PHKA2: variants seen among roughly 807,000 people sequenced by gnomAD.
PHKA2 encodes the protein phosphorylase kinase regulatory subunit alpha 2.
In PHKA2, 31 loss-of-function variants were observed where a neutral mutation model predicts 102.0. The observed-to-expected ratio is 0.30, with a 90% CI of 0.23 to 0.41. The LOEUF (loss-of-function observed/expected upper bound fraction) is 0.41. Ranked by LOEUF, PHKA2 falls within the 10% of genes least tolerant of loss-of-function variation. The pLI is 1.00. For missense variants in PHKA2, 858 were observed against 1,023.1 expected (o/e 0.84, Z 2.20); for synonymous variants, 455 against 416.2 (o/e 1.09, Z -1.13).
At chrX:18,958,704 TTG>T (rs761102643) in intron 1 of PHKA2, among the ~76,000 whole-genome samples, 1 of 108,796 alleles carries the variant, frequency 9.2e-6, no homozygotes, top group Non-Finnish European at 1.9e-5. Context: ...TCAGTTTCTT[TTG>T]TGTGTGTGTG....
At chrX:18,926,358 T>C (rs1178904533) in intron 14 of PHKA2, 95 bp downstream of exon 14, 5 of 732,187 alleles carry the variant, frequency 6.8e-6, no homozygotes, top group Non-Finnish European at 8.7e-6. Flanking sequence ...TCCAAGTCTT[T>C]AGAACTTACG....
chrX:18,905,365 C>T (rs1350446564), intron 26 of PHKA2, among the ~76,000 whole-genome samples: 2 of 111,263 alleles, frequency 1.8e-5, no homozygotes, highest in East Asian at 2.8e-4. Context: ...TTAGTAGTGA[C>T]GGGGTTTCAC....
intron 1 of PHKA2, among the ~76,000 whole-genome samples, chrX:18,955,021 AC>A (rs890908925): frequency 1.1e-4 from 12 of 112,660 alleles, no homozygotes; most frequent in African/African-American, 3.9e-4. Context: ...AAAAAGCCAG[AC>A]CTTGCCACAA....
At chrX:18,979,740 A>C (rs1180098405) in intron 1 of PHKA2, among the ~76,000 whole-genome samples, 1 of 111,602 alleles carries the variant, frequency 9.0e-6, no homozygotes, top group Non-Finnish European at 1.9e-5. Flanking sequence ...CTTCTCTTTC[A>C]CAGATACAGG....
chrX:18,910,666 A>G (rs1374336205), intron 20 of PHKA2, among the ~76,000 whole-genome samples: 4 of 111,979 alleles, frequency 3.6e-5, no homozygotes. Context: ...GTTTGCATCA[A>G]ATTCAATGTA....
At position 18,931,654 on chromosome X, in the gene PHKA2, G is replaced by T; in HGVS notation, c.1232C>A (p.Ser411Ter). ...LWGQSLYILS[S>*]LLAEGFLAAG... is the part of the protein sequence containing the mutation. ...CTAAGCCCCTACCTCTGCCAACAGCGAGCTGAGGATGTACAAGGATTGGCC... is the reference window on the plus strand; with the variant it reads ...CTAAGCCCCTACCTCTGCCAACAGCTAGCTGAGGATGTACAAGGATTGGCC... The change falls in exon 12 of 33, where the codon TCG (serine) becomes TAG (stop). Residue 411 changes from serine (S) to a stop codon, truncating the protein, a stop_gained. Transcript: ENST00000379942. LOFTEE classifies it high-confidence loss of function. 1 of 1,196,890 alleles carries T rather than the reference G, an allele frequency of 8.4e-7. No individual in the cohort carries two copies. Among genetic ancestry groups the T allele is most frequent in the Non-Finnish European group, 1.1e-6 (1 of 881,926 alleles).
At position 18,982,141 on chromosome X, in the gene PHKA2, TCAA is replaced by T. The variant is rs774261742; in HGVS notation, c.78+1711_78+1713del. On this transcript the variant is annotated intron_variant, in intron 1 of 32. Transcript: ENST00000379942. The stretch of plus-strand genomic sequence containing the variant: ...ATTTGCCTGCCTACTTCTTCTGCTC[TCAA>T]CTTGAACATCATCTCTTCCAGGACT... Among the ~76,000 whole-genome samples, 76 of 112,091 alleles carry T rather than the reference TCAA, an allele frequency of 6.8e-4. 1 individual carries two copies. The highest frequency in any genetic ancestry group is 2.2e-3 in the African/African-American group (69 of 30,841).
intron 5 of PHKA2, among the ~76,000 whole-genome samples, chrX:18,945,495 C>A (rs1225220502): frequency 2.7e-5 from 3 of 112,458 alleles, no homozygotes; most frequent in Non-Finnish European, 5.6e-5. Flanking sequence ...TGCTGCCTCT[C>A]TAGTCAATGC....
intron 20 of PHKA2, 39 bp from the exon 21 acceptor site, chrX:18,908,973 G>T (rs749942688): frequency 1.3e-5 from 16 of 1,208,569 alleles, no homozygotes; most frequent in Non-Finnish European, 1.6e-5. Context: ...AGATGGGCTA[G>T]GCATGGAACT....
intron 31 of PHKA2, chrX:18,894,717 G>A: frequency 2.5e-6 from 1 of 394,435 alleles, no homozygotes; most frequent in East Asian, 4.3e-5. Flanking sequence ...CATGAAGCAT[G>A]GTGCTTTGGG....
chrX:18,898,134 G>C (rs976692716), intron 29 of PHKA2: 1 of 112,888 alleles, frequency 8.9e-6, no homozygotes, highest in Non-Finnish European at 1.9e-5. Flanking sequence ...TCCCATTTCC[G>C]GCTTTCCCTA....
intron 5 of PHKA2, among the ~76,000 whole-genome samples, chrX:18,946,018 C>T (rs757105667): frequency 9.1e-6 from 1 of 110,341 alleles, no homozygotes; most frequent in Admixed American, 9.7e-5. Context: ...ACCTCCACCT[C>T]CCAGGTTCAA....
Position 18,934,630 on chromosome X carries a change from C to G in PHKA2, c.1137+1425G>C, listed in dbSNP as rs192692138. 3.5e-5 allele frequency among the ~76,000 whole-genome samples: 4 copies of G among 112,792 alleles called. No individual in the cohort carries two copies. The East Asian group carries it at 1.1e-3, about 31-fold the overall frequency. ...GTTTAACTGGTTCAGTGATCTAACACGTAATAGTTCCTTTTAGATGAAAAT... is the reference window on the plus strand; with the variant it reads ...GTTTAACTGGTTCAGTGATCTAACAGGTAATAGTTCCTTTTAGATGAAAAT... On this transcript the variant is annotated intron_variant, in intron 11 of 32. Coordinates refer to ENST00000379942, the MANE Select transcript of PHKA2 (RefSeq NM_000292.3).
At chrX:18,975,465 T>C (rs890730446) in intron 1 of PHKA2, among the ~76,000 whole-genome samples, 2 of 111,738 alleles carry the variant, frequency 1.8e-5, no homozygotes, top group African/African-American at 6.5e-5. Context: ...TTTTGTAAAC[T>C]GCCCAGTCTC....
Position 18,892,438 on chromosome X carries a change from C to A in PHKA2, c.*1047G>T, listed in dbSNP as rs1353355337. On this transcript the variant is annotated 3_prime_UTR_variant, in exon 33 of 33. Transcript: ENST00000379942. ...CAAAAGATTTGCCAGACCCTGACACCTGACTCAACCTTGCTCTCCTCCAAT... is the reference window on the plus strand; with the variant it reads ...CAAAAGATTTGCCAGACCCTGACACATGACTCAACCTTGCTCTCCTCCAAT... 1.8e-5 allele frequency: 2 copies of A among 113,015 alleles called. No homozygotes were observed. Among genetic ancestry groups the A allele is most frequent in the African/African-American group, 6.4e-5 (2 of 31,093 alleles). The allele number at this position is 113,015 out of a possible 1,213,427, so 9.3% of individuals were successfully genotyped here.
At chrX:18,907,811 T>A (rs746080314) in intron 22 of PHKA2, 89 bp downstream of exon 22, 28 of 989,789 alleles carry the variant, frequency 2.8e-5, no homozygotes, top group Non-Finnish European at 3.9e-5. Context: ...CCTTCACAAG[T>A]AAGAGGTATA....
chrX:18,897,462 G>A (rs973944558), intron 29 of PHKA2, 129 bp from the exon 30 acceptor site: 1 of 560,734 alleles, frequency 1.8e-6, no homozygotes, highest in South Asian at 3.0e-5. Context: ...AGAGGAACAC[G>A]GTTCCTCCAG....
intron 1 of PHKA2, among the ~76,000 whole-genome samples, chrX:18,981,259 C>G (rs2049168041): frequency 9.0e-6 from 1 of 111,058 alleles, no homozygotes; most frequent in African/African-American, 3.3e-5. Context: ...CATGGCATTT[C>G]CCGGCAGAAC....
At chrX:18,922,569 G>T (rs780064305) in intron 17 of PHKA2, among the ~76,000 whole-genome samples, 1 of 111,361 alleles carries the variant, frequency 9.0e-6, no homozygotes, top group Non-Finnish European at 1.9e-5. Context: ...AAATAACAGG[G>T]ACTTAACTTT....
Sources: allele counts gnomAD v4.1 joint callset (sites outside exome capture counted in the v4.1 genomes callset), GRCh38; gene constraint gnomAD v4.1.1; transcripts MANE v1.5; gene names NCBI Gene and HGNC (gene_info 2026-07-23, HGNC 2026-07-21).